The following WFIKKN2 variants were observed in gnomAD, a reference collection of about 807,000 sequenced individuals.
WFIKKN2 encodes WAP, follistatin/kazal, immunoglobulin, kunitz and netrin domain containing 2, also known as WAP, Kazal, immunoglobulin, Kunitz and NTR domain-containing protein 2.
Under a neutral mutation model 39.2 loss-of-function variants are expected in WFIKKN2, and 25 were observed. That is an observed-to-expected ratio of 0.64 (90% CI 0.47 to 0.89). The LOEUF (loss-of-function observed/expected upper bound fraction) is 0.89, where lower values mean the gene tolerates loss of function less well. Among genes scored for constraint, WFIKKN2 ranks in the 40% least tolerant of loss-of-function variants. The pLI, the probability that WFIKKN2 is intolerant of heterozygous loss-of-function variation, is 0.00. For synonymous variants in WFIKKN2, 345 were observed against 329.7 expected (o/e 1.05, Z -0.50); for missense variants, 770 against 811.7 (o/e 0.95, Z 0.62).
At chr17:50,838,666 G>A (rs904494861) in intron 1 of WFIKKN2, among the ~76,000 whole-genome samples, 9 of 152,198 alleles carry the variant, frequency 5.9e-5, no homozygotes, top group African/African-American at 2.2e-4. Context: ...CCACACAAGG[G>A]GACTTTTTTT....
upstream of WFIKKN2, chr17:50,835,521 C>G (rs1396339182): frequency 1.1e-5 from 2 of 185,658 alleles, no homozygotes. Flanking sequence ...GCTGCCTAAA[C>G]TGCTTCCAGC....
At position 50,839,675 on chromosome 17, in the gene WFIKKN2, G is replaced by A. The variant is rs1972005630; in HGVS notation, c.387G>A (p.Gln129=). 1 of 1,614,264 alleles carries A rather than the reference G, an allele frequency of 6.2e-7. No homozygotes were observed. The highest frequency in any genetic ancestry group is 8.5e-7 in the Non-Finnish European group (1 of 1,180,046). Residue 129 remains glutamine, a synonymous_variant, in exon 2 of 2, where the codon CAG becomes CAA. Coordinates refer to ENST00000311378, the MANE Select transcript of WFIKKN2 (RefSeq NM_175575.6). The part of the protein sequence containing the change: ...QGSECDIWDG[Q]PVCKCKDRCE... Reference sequence around the variant, plus strand: ...CTGAGTGTGACATCTGGGATGGCCAGCCCGTGTGTAAGTGCAAAGACCGCT... The same window carrying A: ...CTGAGTGTGACATCTGGGATGGCCAACCCGTGTGTAAGTGCAAAGACCGCT...
rs1203530888 is a variant in WFIKKN2, at chr17:50,840,562, A to G, written c.1274A>G (p.Asn425Ser). 3.7e-6 allele frequency: 6 copies of G among 1,613,852 alleles called. No individual in the cohort carries two copies. The highest frequency in any genetic ancestry group is 5.1e-6 in the Non-Finnish European group (6 of 1,180,002). ...GGTGGCTGCGAGGGCAATGGCAACA[A>G]CTTTGAGAGCCGTGAGGCCTGTGAG... ...VYGGCEGNGN[N>S]FESREACEES... Residue 425 changes from asparagine to serine, a missense_variant, in exon 2 of 2, where the codon AAC becomes AGC. By Grantham distance (46) the Asn-to-Ser change is conservative. Coordinates refer to ENST00000311378, the MANE Select transcript of WFIKKN2 (RefSeq NM_175575.6).
chr17:50,839,596 T>C lies in WFIKKN2; in HGVS notation c.308T>C (p.Val103Ala), dbSNP rs1384612482. The change falls in exon 2 of 2, where the codon GTG becomes GCG. Residue 103 changes from valine (V) to alanine (A), a missense_variant. Transcript: ENST00000311378. ...GACGTGAAAGGGAAGAAGGGCCCAG[T>C]GGGCATGCCCAAGGAGGCCACATGT... ...YMDVKGKKGP[V>A]GMPKEATCDH... 6.2e-7 allele frequency: 1 copy of C among 1,614,200 alleles called. No individual in the cohort carries two copies. Among genetic ancestry groups the C allele is most frequent in the Admixed American group, 1.7e-5 (1 of 60,022 alleles).
chr17:50,838,130 G>T (rs1278757761), intron 1 of WFIKKN2, among the ~76,000 whole-genome samples: 1 of 152,124 alleles, frequency 6.6e-6, no homozygotes, highest in Non-Finnish European at 1.5e-5. Context: ...AGGTTCTCCT[G>T]CTCCTACTCC....
intron 1 of WFIKKN2, 135 bp from the exon 2 acceptor site, chr17:50,839,361 GTTA>G (rs1166012918): frequency 6.4e-6 from 5 of 784,132 alleles, no homozygotes; most frequent in Non-Finnish European, 1.0e-5. Flanking sequence ...GTATGCATTC[GTTA>G]TTATTTTCAA....
At chr17:50,834,805 C>G (rs1430142082), upstream of WFIKKN2, 1 of 152,256 alleles carries the variant, frequency 6.6e-6, no homozygotes, top group Non-Finnish European at 1.5e-5. Flanking sequence ...GGACAAGTCG[C>G]TCGCCCTCTT....
rs765062620 is a variant in WFIKKN2, at chr17:50,839,966, A to G, written c.678A>G (p.Thr226=). ...ACCAGTCGGTCACCATGGGTGAGAC[A>G]GTGAGCTTCCTCTGTGATGTGGTGG... ...PVHQSVTMGE[T]VSFLCDVVGR... The change falls in exon 2 of 2, where the codon ACA becomes ACG. Residue 226 remains threonine, a synonymous_variant. Coordinates refer to ENST00000311378, the MANE Select transcript of WFIKKN2 (RefSeq NM_175575.6). 11 of 1,614,144 alleles carry G rather than the reference A, an allele frequency of 6.8e-6. No individual in the cohort carries two copies. Among genetic ancestry groups the G allele is most frequent in the Non-Finnish European group, 9.3e-6 (11 of 1,179,968 alleles).
rs1270182523 is a variant in WFIKKN2, at chr17:50,842,055, G to A, written c.*1036G>A. 6.6e-6 allele frequency: 1 copy of A among 151,886 alleles called. No homozygotes were observed. Among genetic ancestry groups the A allele is most frequent in the Non-Finnish European group, 1.5e-5 (1 of 68,004 alleles). 9.4% of individuals were successfully genotyped at this position (151,886 alleles called of 1,614,324 possible). On this transcript the variant is annotated 3_prime_UTR_variant, in exon 2 of 2. Transcript: ENST00000311378. ...TTGCTCGATGCTCCCATCTGGTGGCGGCCTCAGGAACCCACGGGAACCTGG... is the reference window on the plus strand; with the variant it reads ...TTGCTCGATGCTCCCATCTGGTGGCAGCCTCAGGAACCCACGGGAACCTGG...
Position 50,835,813 on chromosome 17 carries a change from GCCTGA to G in WFIKKN2, c.-124_-120del. ...CAGCGGCAGAGCAGCCTGAGCAGCA[GCCTGA>G]GCAGGAAACCTGCTGGGGTGGGGAG... On this transcript the variant is annotated 5_prime_UTR_variant, in exon 1 of 2. Coordinates refer to ENST00000311378, the MANE Select transcript of WFIKKN2 (RefSeq NM_175575.6). The G allele has an allele frequency of 9.4e-7, 1 of 1,059,302 alleles. No homozygotes were observed. Among genetic ancestry groups the G allele is most frequent in the East Asian group, 2.6e-5 (1 of 38,536 alleles). The allele number at this position is 1,059,302 out of a possible 1,614,324, so 65.6% of individuals were successfully genotyped here. A position where few individuals can be genotyped will look rare whatever the true frequency, so the allele number is the denominator to read the frequency against.
chr17:50,841,205 T>G lies in WFIKKN2; in HGVS notation c.*186T>G, dbSNP rs547784975. The G allele has an allele frequency of 1.9e-6, 1 of 539,306 alleles. No individual in the cohort carries two copies. Among genetic ancestry groups the G allele is most frequent in the South Asian group, 4.8e-5 (1 of 20,914 alleles). 33.4% of individuals were successfully genotyped at this position (539,306 alleles called of 1,614,324 possible). A position where few individuals can be genotyped will look rare whatever the true frequency, so the allele number is the denominator to read the frequency against. ...TCTATTCTTTGGGTTCAATAAGGGG[T>G]TCATATCTTTTTTAGCTGAGGGGGA... On this transcript the variant is annotated 3_prime_UTR_variant, in exon 2 of 2. Coordinates refer to ENST00000311378, the MANE Select transcript of WFIKKN2 (RefSeq NM_175575.6).
intron 1 of WFIKKN2, among the ~76,000 whole-genome samples, chr17:50,837,079 C>T (rs1342302711): frequency 1.3e-5 from 2 of 152,164 alleles, no homozygotes; most frequent in South Asian, 2.1e-4. Context: ...CCGGGCACGT[C>T]GTGTATGTTG....
rs764277294 is a variant in WFIKKN2, at chr17:50,836,127, C to T, written c.190C>T (p.Arg64Trp). The change falls in exon 1 of 2, where the codon CGG becomes TGG. Residue 64 changes from arginine (R) to tryptophan (W), a missense_variant. By Grantham distance (101) the Arg-to-Trp change is moderately radical (BLOSUM62 -3). Transcript: ENST00000311378. ...LWVDAQSTCR[R>W]ECETDQECET... Reference sequence around the variant, plus strand: ...GGTGGACGCACAGAGCACCTGCAGGCGGGAGTGTGAGACGGACCAGGTGAG... The same window carrying T: ...GGTGGACGCACAGAGCACCTGCAGGTGGGAGTGTGAGACGGACCAGGTGAG... 8.7e-6 allele frequency: 14 copies of T among 1,613,054 alleles called. No individual in the cohort carries two copies. The highest frequency in any genetic ancestry group is 2.7e-5 in the African/African-American group (2 of 74,914).
In WFIKKN2 at chr17:50,839,624, C is replaced by A. The variant is rs1284356620; in HGVS notation, c.336C>A (p.Asp112Glu). ...PVGMPKEATCDHFMCLQQGSE... is the reference protein window; with the variant it reads ...PVGMPKEATCEHFMCLQQGSE... The stretch of plus-strand genomic sequence containing the variant: ...GCATGCCCAAGGAGGCCACATGTGA[C>A]CACTTCATGTGTCTGCAGCAGGGCT... Residue 112 changes from aspartate to glutamate, a missense_variant, in exon 2 of 2, where the codon GAC becomes GAA. Transcript: ENST00000311378. The A allele has an allele frequency of 6.2e-7, 1 of 1,614,228 alleles. No individual in the cohort carries two copies. The highest frequency in any genetic ancestry group is 8.5e-7 in the Non-Finnish European group (1 of 1,180,030).
Position 50,839,499 on chromosome 17 carries a change from G to A in WFIKKN2, c.211G>A (p.Glu71Lys). ...TCRRECETDQ[E>K]CETYEKCCPN... ...AGGCCACTCTCTCTGGCTCTTTCAG[G>A]AGTGTGAGACCTATGAGAAGTGCTG... is the stretch of plus-strand genomic sequence containing the variant. Residue 71 changes from glutamate (E) to lysine (K), a missense_variant and splice_region_variant, in exon 2 of 2, where the codon GAG becomes AAG. Transcript: ENST00000311378. The A allele has an allele frequency of 6.2e-7, 1 of 1,610,120 alleles. No homozygotes were observed. Among genetic ancestry groups the A allele is most frequent in the Non-Finnish European group, 8.5e-7 (1 of 1,177,190 alleles).
rs554466312 is a variant in WFIKKN2 at position 50,835,901 on chromosome 17, G to C, written c.-37G>C. 3 of 1,589,330 alleles carry C rather than the reference G, an allele frequency of 1.9e-6. No individual in the cohort carries two copies. Among genetic ancestry groups the C allele is most frequent in the African/African-American group, 2.7e-5 (2 of 74,232 alleles). On this transcript the variant is annotated 5_prime_UTR_variant, in exon 1 of 2. Coordinates refer to ENST00000311378, the MANE Select transcript of WFIKKN2 (RefSeq NM_175575.6). ...CTGGTGGGCCCCAGACCCTGGCATC[G>C]TTTCAGGGGAGGTCTCTAGCCGCCC...
chr17:50,840,390 T>C lies in WFIKKN2; in HGVS notation c.1102T>C (p.Phe368Leu). The C allele has an allele frequency of 1.2e-6, 2 of 1,614,088 alleles. No individual in the cohort carries two copies. Among genetic ancestry groups the C allele is most frequent in the Non-Finnish European group, 1.7e-6 (2 of 1,179,978 alleles). Residue 368 changes from phenylalanine (F) to leucine (L), a missense_variant, in exon 2 of 2, where the codon TTT becomes CTT. Coordinates refer to ENST00000311378, the MANE Select transcript of WFIKKN2 (RefSeq NM_175575.6). ...CCACTGCCACCGTAACCTCAACCAC[T>C]TTGAGACCTATGAGGCCTGCATGCT... is the stretch of plus-strand genomic sequence containing the variant. Reference protein sequence around the residue: ...FGHCHRNLNHFETYEACMLAC... With the variant: ...FGHCHRNLNHLETYEACMLAC...
rs750605731 is a variant in WFIKKN2 at position 50,840,263 on chromosome 17, G to A, written c.975G>A (p.Ala325=). The part of the protein sequence containing the change: ...ESSPNGTAFP[A]AECLKPPDSE... ...GCCCCAATGGCACGGCTTTCCCGGCGGCCGAGTGCCTGAAGCCCCCAGACA... is the reference window on the plus strand; with the variant it reads ...GCCCCAATGGCACGGCTTTCCCGGCAGCCGAGTGCCTGAAGCCCCCAGACA... Residue 325 remains alanine (A), a synonymous_variant, in exon 2 of 2, where the codon GCG becomes GCA. Transcript: ENST00000311378. 9.9e-6 allele frequency: 16 copies of A among 1,613,816 alleles called. No individual in the cohort carries two copies. In the Admixed American group the frequency reaches 1.5e-4, roughly 15 times the overall value.
intron 1 of WFIKKN2, among the ~76,000 whole-genome samples, chr17:50,838,646 C>T (rs1004837983): frequency 6.6e-6 from 1 of 152,238 alleles, no homozygotes; most frequent in African/African-American, 2.4e-5. Context: ...GACGGCCTTG[C>T]TGACCTTTGC....
Sources: gnomAD v4.1 joint callset for allele counts (sites outside exome capture counted in the v4.1 genomes callset) on GRCh38, gnomAD v4.1.1 for gene constraint, MANE v1.5 for transcripts, NCBI Gene and HGNC (gene_info 2026-07-23, HGNC 2026-07-21) for gene names.